Variants in DRAM2 observed in about 807,000 individuals in gnomAD.
DRAM2 encodes DNA damage-regulated autophagy modulator protein 2.
Under a neutral mutation model 33.5 loss-of-function variants are expected in DRAM2, and 26 were observed. The observed-to-expected ratio is 0.78, with a 90% CI of 0.57 to 1.08. The LOEUF (loss-of-function observed/expected upper bound fraction) is 1.08, where lower values mean the gene tolerates loss of function less well. DRAM2 is among the 50% of genes least tolerant of loss of function. The pLI is 0.00. For synonymous variants in DRAM2, 98 were observed against 109.5 expected (o/e 0.89, Z 0.66); for missense variants, 311 against 318.1 (o/e 0.98, Z 0.17).
chr1:111,128,134 C>CTTTTTTTTTTTTT (rs35509678), intron 4 of DRAM2: 3 of 102,326 alleles, frequency 2.9e-5, no homozygotes, highest in South Asian at 3.1e-4. Context: ...TTCTTCGTTT[C>CTTTTTTTTTTTTT]TTTTTTTTTT....
intron 3 of DRAM2, among the ~76,000 whole-genome samples, chr1:111,136,678 C>A (rs1653246123): frequency 6.6e-6 from 1 of 152,162 alleles, no homozygotes; most frequent in Non-Finnish European, 1.5e-5. Context: ...CTACATGTAA[C>A]TATTTAAATT....
rs1651627667 is a variant in DRAM2 at position 111,129,388 on chromosome 1, T to C, written c.131+2036A>G. 2.0e-5 allele frequency among the ~76,000 whole-genome samples: 3 copies of C among 152,296 alleles called. No individual in the cohort carries two copies. In the South Asian group the frequency reaches 6.2e-4, roughly 32 times the overall value. ...CCTAACTATATTCCAGGTGAAATCA[T>C]CTAGATTAAAACACTAGTAGTTGCT... is the stretch of plus-strand genomic sequence containing the variant. On this transcript the variant is annotated intron_variant, in intron 4 of 9. Transcript: ENST00000484310.
At chr1:111,138,186 C>T (rs1165977664) in intron 2 of DRAM2, among the ~76,000 whole-genome samples, 1 of 152,138 alleles carries the variant, frequency 6.6e-6, no homozygotes, top group African/African-American at 2.4e-5. Context: ...TTTCTATGTA[C>T]GAATTATCTT....
chr1:111,118,423 C>T, intron 9 of DRAM2, 156 bp from the exon 10 acceptor site: 1 of 536,600 alleles, frequency 1.9e-6, no homozygotes, highest in Non-Finnish European at 3.2e-6. Flanking sequence ...CTCTTTGTAC[C>T]AATTAAAATC....
intron 3 of DRAM2, among the ~76,000 whole-genome samples, chr1:111,135,168 T>C (rs191720483): frequency 1.3e-5 from 2 of 152,290 alleles, no homozygotes; most frequent in African/African-American, 4.8e-5. Flanking sequence ...TCCAATACCA[T>C]GAGTTGTACA....
intron 2 of DRAM2, chr1:111,138,992 G>C (rs1381235217): frequency 6.6e-6 from 1 of 152,224 alleles, no homozygotes; most frequent in Non-Finnish European, 1.5e-5. Context: ...TGAACGGTCA[G>C]AAAGCCCTAA....
chr1:111,135,549 G>A (rs1652987292), intron 3 of DRAM2, among the ~76,000 whole-genome samples: 1 of 152,138 alleles, frequency 6.6e-6, no homozygotes. Context: ...TAGGTGTATT[G>A]GTAAAAGAGA....
At chr1:111,124,973 G>A in intron 5 of DRAM2, 92 bp from the exon 6 acceptor site, 78 of 969,866 alleles carry the variant, frequency 8.0e-5, no homozygotes, top group South Asian at 3.6e-4. Flanking sequence ...CTGCTATCCA[G>A]AATCACAGAT....
intron 4 of DRAM2, among the ~76,000 whole-genome samples, chr1:111,128,489 T>C (rs1180786899): frequency 1.3e-5 from 2 of 152,162 alleles, no homozygotes; most frequent in African/African-American, 4.8e-5. Context: ...AGTGGCCTCT[T>C]ATATTACAGT....
In DRAM2 at chr1:111,119,974, G is replaced by T; in HGVS notation, c.518-15C>A. On this transcript the variant is annotated splice_polypyrimidine_tract_variant and intron_variant, in intron 7 of 9. Coordinates refer to ENST00000484310, the MANE Select transcript of DRAM2 (RefSeq NM_001349884.2). ...GCAAGTCAGCACTATAAAAACATAA[G>T]TCAAGGAAGAATCTCAGAGACGATC... The T allele has an allele frequency of 6.2e-7, 1 of 1,606,030 alleles. No individual in the cohort carries two copies.
intron 3 of DRAM2, among the ~76,000 whole-genome samples, chr1:111,136,122 T>C (rs1653091573): frequency 6.6e-6 from 1 of 152,240 alleles, no homozygotes; most frequent in African/African-American, 2.4e-5. Context: ...TCTTGGCCTA[T>C]CTGCTTTTCC....
At chr1:111,139,711 A>C (rs995048649) in intron 1 of DRAM2, 45 bp from the exon 2 acceptor site, 4 of 152,426 alleles carry the variant, frequency 2.6e-5, no homozygotes, top group Non-Finnish European at 5.9e-5. Flanking sequence ...GGCATCAGGC[A>C]CTGCTTGGGG....
intron 7 of DRAM2, 142 bp downstream of exon 7, chr1:111,120,374 T>G (rs1186004574): frequency 4.6e-6 from 2 of 436,782 alleles, no homozygotes; most frequent in Non-Finnish European, 6.4e-6. Context: ...CCTAAGAATC[T>G]CTCCTACAAA....
chr1:111,124,748 G>C lies in DRAM2; in HGVS notation c.333C>G (p.Asn111Lys), dbSNP rs1173661034. ...GCTGGGCTAAAACACAAACCTGGAA[G>C]TTTGCCACAATAGAAAGTCCTAAAC... ...LSCLGLSIVA[N>K]FQKTTLFAAH... The change falls in exon 6 of 10, where the codon AAC (asparagine) becomes AAG (lysine). Residue 111 changes from asparagine to lysine, a missense_variant. Transcript: ENST00000484310. 6.2e-7 allele frequency: 1 copy of C among 1,613,112 alleles called. No homozygotes were observed. The highest frequency in any genetic ancestry group is 8.5e-7 in the Non-Finnish European group (1 of 1,179,558).
chr1:111,123,303 C>T (rs1318573294), intron 6 of DRAM2, among the ~76,000 whole-genome samples: 3 of 152,058 alleles, frequency 2.0e-5, no homozygotes, highest in Admixed American at 1.3e-4. Context: ...TGTGCACACC[C>T]GCTGCACCCC....
At chr1:111,127,497 C>CA (rs1228601622) in intron 4 of DRAM2, among the ~76,000 whole-genome samples, 2 of 150,608 alleles carry the variant, frequency 1.3e-5, no homozygotes, top group African/African-American at 2.4e-5. Context: ...AATAGAGAAA[C>CA]AAAAAATAAT....
chr1:111,120,785 A>G (rs770084145), intron 6 of DRAM2, 92 bp from the exon 7 acceptor site: 1 of 1,181,264 alleles, frequency 8.5e-7, no homozygotes, highest in Non-Finnish European at 1.1e-6. Flanking sequence ...AGATTTCAAT[A>G]GGACATTCAC....
chr1:111,123,951 T>G (rs1650514641), intron 6 of DRAM2, among the ~76,000 whole-genome samples: 1 of 152,200 alleles, frequency 6.6e-6, no homozygotes, highest in African/African-American at 2.4e-5. Flanking sequence ...CCTGCAGAAC[T>G]ATGAGCCAAA....
rs1654284707 is a variant in DRAM2, at chr1:111,140,084, C to G, written c.-291G>C. ...GGCCGCTGGCGCCGAAGCCCCTATGCTAAAAGGAGACAGGGCTGGGCCACG... is the reference window on the plus strand; with the variant it reads ...GGCCGCTGGCGCCGAAGCCCCTATGGTAAAAGGAGACAGGGCTGGGCCACG... On this transcript the variant is annotated 5_prime_UTR_variant, in exon 1 of 10. Transcript: ENST00000484310. 1 of 152,382 alleles carries G rather than the reference C, an allele frequency of 6.6e-6. No individual in the cohort carries two copies. The highest frequency in any genetic ancestry group is 2.4e-5 in the African/African-American group (1 of 41,450). 9.4% of individuals were successfully genotyped at this position (152,382 alleles called of 1,614,324 possible).
Sources: gnomAD v4.1 joint callset for allele counts (sites outside exome capture counted in the v4.1 genomes callset) on GRCh38, gnomAD v4.1.1 for gene constraint, MANE v1.5 for transcripts, NCBI Gene and HGNC (gene_info 2026-07-23, HGNC 2026-07-21) for gene names.